Variants in ARMH1 observed in about 807,000 individuals in gnomAD.
The protein encoded by ARMH1 is armadillo-like helical domain containing protein 1.
A neutral mutation model predicts 50.2 loss-of-function variants in ARMH1; 34 were observed. The ratio of observed to expected loss-of-function variants is 0.68; its 90% CI spans 0.51 to 0.90. ARMH1 has a LOEUF of 0.90. Among genes scored for constraint, ARMH1 ranks in the 40% least tolerant of loss-of-function variants. The probability of loss-of-function intolerance (pLI) is 0.00; values close to 1 mark genes in which losing one functional copy is unlikely to be tolerated. For missense variants in ARMH1, 538 were observed against 553.9 expected, an observed-to-expected ratio of 0.97 and a Z score of 0.29; for synonymous variants, 221 against 224.2, an observed-to-expected ratio of 0.99 and a Z score of 0.13.
chr1:44,689,201 A>G, intron 1 of ARMH1: 1 of 157,852 alleles, frequency 6.3e-6, no homozygotes, highest in Non-Finnish European at 1.4e-5. Context: ...AGCTGGGATT[A>G]CAGGTGCCTG....
intron 2 of ARMH1, among the ~76,000 whole-genome samples, chr1:44,695,386 C>T (rs1217480470): frequency 1.3e-5 from 2 of 152,224 alleles, no homozygotes; most frequent in East Asian, 1.9e-4. Flanking sequence ...TCTTGTGGCC[C>T]CAACATTGCT....
chr1:44,704,215 G>C (rs1450219279), intron 6 of ARMH1, 42 bp downstream of exon 6: 2 of 1,407,404 alleles, frequency 1.4e-6, no homozygotes, highest in Non-Finnish European at 2.0e-6. Context: ...CCGAGAGCCA[G>C]ACATATCAGC....
chr1:44,724,336 G>C lies in ARMH1; in HGVS notation c.864G>C (p.Gln288His). 2.6e-6 allele frequency: 4 copies of C among 1,551,526 alleles called. No individual in the cohort carries two copies. In the South Asian group the frequency reaches 4.8e-5, roughly 18 times the overall value. The change falls in exon 8 of 12, where the codon CAG (glutamine) becomes CAC (histidine). Residue 288 changes from glutamine to histidine, a missense_variant. By Grantham distance (24) the Gln-to-His change is conservative (BLOSUM62 0). Transcript: ENST00000535358. This position sits in a 1 kb window ranked among gnomAD's most constrained non-coding sequence, Gnocchi z 6.4. ...CCTCCTCAGACCCCTCGGTTCTCCA[G>C]CTCACCCCCAGCCTGCCGATGTTTT... ...AKILSDPSVL[Q>H]LTPSLPMFLQ...
At chr1:44,694,242 T>C (rs1645751067) in intron 2 of ARMH1, among the ~76,000 whole-genome samples, 1 of 152,154 alleles carries the variant, frequency 6.6e-6, no homozygotes, top group Admixed American at 6.5e-5. Context: ...ACAGATAAAA[T>C]AGACTGCGTG....
At chr1:44,718,746 C>T (rs893650846) in intron 6 of ARMH1, among the ~76,000 whole-genome samples, 3 of 152,138 alleles carry the variant, frequency 2.0e-5, no homozygotes, top group Non-Finnish European at 2.9e-5. Flanking sequence ...GTTTCTGGGC[C>T]GGGCATGGTG....
rs1305381332 is a variant in ARMH1, at chr1:44,704,823, T to C, written c.724+650T>C. On this transcript the variant is annotated intron_variant, in intron 6 of 11. Coordinates refer to ENST00000535358, the MANE Select transcript of ARMH1 (RefSeq NM_001145636.2). The stretch of plus-strand genomic sequence containing the variant: ...CACTGCACCCGGCCAGGAGCTTTTA[T>C]TTATTGAGAACTTTTTTTTTTTTTT... 4.1e-5 allele frequency among the ~76,000 whole-genome samples: 6 copies of C among 146,820 alleles called. No individual in the cohort carries two copies. The East Asian group carries it at 1.2e-3, about 30-fold the overall frequency.
intron 6 of ARMH1, among the ~76,000 whole-genome samples, chr1:44,711,622 T>C (rs1646619490): frequency 6.6e-6 from 1 of 152,220 alleles, no homozygotes; most frequent in African/African-American, 2.4e-5. Flanking sequence ...CTTGATAATG[T>C]CCTTTGTTGT....
chr1:44,718,887 G>T (rs1289665096), intron 6 of ARMH1, among the ~76,000 whole-genome samples: 2 of 152,004 alleles, frequency 1.3e-5, no homozygotes, highest in Admixed American at 1.3e-4. Flanking sequence ...TAGCTGGCCA[G>T]TGTGGTGCAT....
chr1:44,701,203 G>A, intron 5 of ARMH1, 84 bp downstream of exon 5: 2 of 1,338,522 alleles, frequency 1.5e-6, no homozygotes, highest in Non-Finnish European at 2.0e-6. Flanking sequence ...CTCCACACAG[G>A]CATGAGAAAC....
At chr1:44,709,443 G>C (rs113556222) in intron 6 of ARMH1, among the ~76,000 whole-genome samples, 2,150 of 152,112 alleles carry the variant, frequency 0.014, 29 homozygotes, top group African/African-American at 0.03. Context: ...GAGGCCAAGG[G>C]GGGCGGATCA....
chr1:44,689,820 C>A lies in ARMH1; in HGVS notation c.123C>A (p.Gly41=). The change falls in exon 2 of 12, where the codon GGC becomes GGA. Residue 41 remains glycine (G), a synonymous_variant. Transcript: ENST00000535358. ...ILDKFIETNQ[G]KTAPELEQEF... is the part of the protein sequence containing the mutation. ...ACAAGTTCATTGAAACCAACCAAGG[C>A]AAGACTGCCCCTGAACTGGAGCAGG... The A allele has an allele frequency of 6.4e-7, 1 of 1,551,646 alleles. No homozygotes were observed. Among genetic ancestry groups the A allele is most frequent in the Non-Finnish European group, 8.7e-7 (1 of 1,146,998 alleles).
At chr1:44,688,535 C>T (rs1249702335) in intron 1 of ARMH1, among the ~76,000 whole-genome samples, 1 of 152,204 alleles carries the variant, frequency 6.6e-6, no homozygotes, top group East Asian at 1.9e-4. Context: ...GTTGAACAGT[C>T]TTCGTGAAAT....
intron 1 of ARMH1, among the ~76,000 whole-genome samples, chr1:44,677,634 G>A (rs1430418070): frequency 6.6e-6 from 1 of 152,210 alleles, no homozygotes; most frequent in Non-Finnish European, 1.5e-5. Context: ...GTGGGAGTCA[G>A]TGACCAAAGT....
intron 6 of ARMH1, among the ~76,000 whole-genome samples, chr1:44,722,056 G>T (rs1458974147): frequency 1.3e-5 from 2 of 152,084 alleles, no homozygotes; most frequent in African/African-American, 2.4e-5. Context: ...AAGAAAAAAA[G>T]TTTAAATATT....
At chr1:44,685,365 G>A (rs1645435968) in intron 1 of ARMH1, among the ~76,000 whole-genome samples, 2 of 150,980 alleles carry the variant, frequency 1.3e-5, no homozygotes, top group African/African-American at 4.9e-5. Context: ...CTGGAGTGCA[G>A]TGGCGGGATC....
intron 11 of ARMH1, 36 bp downstream of exon 11, chr1:44,725,253 C>T: frequency 6.4e-7 from 1 of 1,551,636 alleles, no homozygotes; most frequent in Non-Finnish European, 8.7e-7. Context: ...GCGCAGGCGC[C>T]GCCAGCACAG....
intron 1 of ARMH1, among the ~76,000 whole-genome samples, chr1:44,686,112 A>G (rs1471514005): frequency 6.6e-6 from 1 of 152,228 alleles, no homozygotes; most frequent in Non-Finnish European, 1.5e-5. Context: ...ACATTTGCAT[A>G]CTGGCCTTAG....
intron 6 of ARMH1, among the ~76,000 whole-genome samples, chr1:44,723,562 T>C (rs562574690): frequency 1.3e-5 from 2 of 152,300 alleles, no homozygotes; most frequent in South Asian, 2.1e-4. Context: ...CTGTGTCTAA[T>C]TTCGGCAAAG....
rs1647888864 is a variant in ARMH1, at chr1:44,724,314, C to T, written c.848-6C>T. On this transcript the variant is annotated splice_region_variant and splice_polypyrimidine_tract_variant and intron_variant, in intron 7 of 11. Coordinates refer to ENST00000535358, the MANE Select transcript of ARMH1 (RefSeq NM_001145636.2). This position sits in a 1 kb window ranked among gnomAD's most constrained non-coding sequence, Gnocchi z 6.4. The stretch of plus-strand genomic sequence containing the variant: ...GTCTCTTGCCTCACGGCTGCCCCCT[C>T]CTCAGACCCCTCGGTTCTCCAGCTC... 6.4e-7 allele frequency: 1 copy of T among 1,551,492 alleles called. No homozygotes were observed. The highest frequency in any genetic ancestry group is 1.4e-5 in the African/African-American group (1 of 73,054).
Sources: gnomAD v4.1 joint callset for allele counts (sites outside exome capture counted in the v4.1 genomes callset) on GRCh38, gnomAD v4.1.1 for gene constraint, Gnocchi (gnomAD v3.1) non-coding constraint, MANE v1.5 for transcripts, NCBI Gene and HGNC (gene_info 2026-07-23, HGNC 2026-07-21) for gene names.